Variants in AGPS observed in about 807,000 individuals in gnomAD.
AGPS encodes alkyldihydroxyacetonephosphate synthase, peroxisomal.
In AGPS, 26 loss-of-function variants were observed where a neutral mutation model predicts 90.7. The observed-to-expected ratio is 0.29, with a 90% CI of 0.21 to 0.40. The LOEUF (loss-of-function observed/expected upper bound fraction) is 0.40. Ranked by LOEUF, AGPS falls within the 10% of genes least tolerant of loss-of-function variation. AGPS has a pLI of 1.00. For missense variants in AGPS, 540 were observed against 816.1 expected (o/e 0.66, Z 4.12); for synonymous variants, 294 against 285.3 (o/e 1.03, Z -0.31).
intron 1 of AGPS, among the ~76,000 whole-genome samples, chr2:177,410,046 C>T (rs1685575338): frequency 6.6e-6 from 1 of 152,184 alleles, no homozygotes; most frequent in South Asian, 2.1e-4. Context: ...TGGTTAGCTG[C>T]AGGCAAAAGT....
chr2:177,417,469 A>G (rs75756628), intron 1 of AGPS, among the ~76,000 whole-genome samples: 5,329 of 152,296 alleles, frequency 0.035, 205 homozygotes, highest in African/African-American at 0.097. Context: ...AGGATACTCA[A>G]TCTATAGTAA....
chr2:177,457,690 A>G (rs1348373846), intron 8 of AGPS, among the ~76,000 whole-genome samples: 1 of 152,222 alleles, frequency 6.6e-6, no homozygotes, highest in African/African-American at 2.4e-5. Flanking sequence ...GGCAGTAATT[A>G]ATAGCCTACC....
At chr2:177,480,064 A>G (rs372806702) in intron 10 of AGPS, among the ~76,000 whole-genome samples, 5 of 152,146 alleles carry the variant, frequency 3.3e-5, no homozygotes, top group Admixed American at 2.6e-4. Flanking sequence ...TCTGTAATCC[A>G]GCTACTCAGG....
At chr2:177,503,041 C>G (rs977737778) in intron 14 of AGPS, among the ~76,000 whole-genome samples, 17 of 152,064 alleles carry the variant, frequency 1.1e-4, no homozygotes, top group African/African-American at 2.4e-4. Flanking sequence ...ATGAAACTCT[C>G]TACTGCCTTA....
intron 19 of AGPS, among the ~76,000 whole-genome samples, chr2:177,530,391 A>G (rs1405674837): frequency 6.6e-6 from 1 of 152,220 alleles, no homozygotes; most frequent in African/African-American, 2.4e-5. Flanking sequence ...TTCAACATAA[A>G]TTTTAAATAA....
chr2:177,507,036 C>T (rs865852840), intron 15 of AGPS, among the ~76,000 whole-genome samples: 4 of 151,076 alleles, frequency 2.6e-5, no homozygotes, highest in African/African-American at 7.3e-5. Flanking sequence ...GGGATTCCGC[C>T]CCCCCTACCC....
chr2:177,527,225 C>T (rs190805123), intron 19 of AGPS, among the ~76,000 whole-genome samples: 20 of 152,064 alleles, frequency 1.3e-4, no homozygotes, highest in African/African-American at 3.4e-4. Flanking sequence ...CTCAGGAGTT[C>T]GAGACCAGTC....
At chr2:177,394,822 C>T (rs60733259) in intron 1 of AGPS, among the ~76,000 whole-genome samples, 17,054 of 152,160 alleles carry the variant, frequency 0.11, 1,227 homozygotes, top group East Asian at 0.34. Context: ...TAGTGCAATG[C>T]CTGTTACATA....
Position 177,392,975 on chromosome 2 carries a change from A to G in AGPS, c.186A>G (p.Arg62=), listed in dbSNP as rs990214554. 26 of 1,549,840 alleles carry G rather than the reference A, an allele frequency of 1.7e-5. No homozygotes were observed. The East Asian group carries it at 6.1e-4, about 36-fold the overall frequency. ...ALSTNECKAR[R]AASAATAAPT... ...GTACCAATGAGTGCAAAGCGCGGAG[A>G]GCCGCGTCGGCGGCCACGGCAGCGC... Residue 62 remains arginine (R), a synonymous_variant, in exon 1 of 20, where the codon AGA becomes AGG. Transcript: ENST00000264167.
intron 11 of AGPS, among the ~76,000 whole-genome samples, chr2:177,484,006 G>A (rs1688022361): frequency 2.0e-5 from 1 of 49,756 alleles, no homozygotes; most frequent in African/African-American, 6.7e-5. Flanking sequence ...CAGGAAGCTA[G>A]GGTGTTTTTT....
Position 177,538,075 on chromosome 2 carries a change from G to T in AGPS, c.1857G>T (p.Val619=). 1 of 1,612,924 alleles carries T rather than the reference G, an allele frequency of 6.2e-7. No homozygotes were observed. The change falls in exon 20 of 20, where the codon GTG becomes GTT. Residue 619 remains valine, a splice_region_variant and synonymous_variant. Transcript: ENST00000264167. The stretch of plus-strand genomic sequence containing the variant: ...GCATTTTTGATTTTGTTTTTCCAGT[G>T]GGCAAGTTACGGAAGCAATGGCTAA... ...NGGSLSHHHG[V]GKLRKQWLKE... is the part of the protein sequence containing the mutation.
At position 177,465,588 on chromosome 2, in the gene AGPS, C is replaced by T. The variant is rs1045099956; in HGVS notation, c.997-2828C>T. Among the ~76,000 whole-genome samples the T allele has an allele frequency of 6.4e-4, 98 of 152,340 alleles. No homozygotes were observed. In the Middle Eastern group the frequency reaches 0.01, roughly 16 times the overall value. On this transcript the variant is annotated intron_variant, in intron 9 of 19. Coordinates refer to ENST00000264167, the MANE Select transcript of AGPS (RefSeq NM_003659.4). ...GAGTGAGTGTGGAGTCTGGCCACAG[C>T]GCACAGTCAGGCACGCCAGCTGTGG...
At chr2:177,443,242 T>G (rs1215548998) in intron 7 of AGPS, among the ~76,000 whole-genome samples, 1 of 152,208 alleles carries the variant, frequency 6.6e-6, no homozygotes, top group Non-Finnish European at 1.5e-5. Context: ...CATTAAATTT[T>G]TGATAAAAAG....
At chr2:177,534,699 C>T (rs778369662) in intron 19 of AGPS, among the ~76,000 whole-genome samples, 6 of 151,762 alleles carry the variant, frequency 4.0e-5, no homozygotes, top group African/African-American at 9.7e-5. Flanking sequence ...GTTCTCCTTC[C>T]GCCCAATCTC....
chr2:177,433,771 C>G (rs1264114724), intron 2 of AGPS, among the ~76,000 whole-genome samples: 1 of 152,082 alleles, frequency 6.6e-6, no homozygotes, highest in Non-Finnish European at 1.5e-5. Flanking sequence ...AATTGCCTGT[C>G]CAGTTTTTTT....
chr2:177,519,661 A>C (rs149655837), intron 17 of AGPS, among the ~76,000 whole-genome samples: 2 of 152,162 alleles, frequency 1.3e-5, no homozygotes, highest in East Asian at 1.9e-4. Context: ...CTTTTTTTCT[A>C]CCCAGAATCT....
At chr2:177,439,847 CCCTCCTTAA>C (rs1686544293) in intron 5 of AGPS, among the ~76,000 whole-genome samples, 1 of 152,068 alleles carries the variant, frequency 6.6e-6, no homozygotes. Flanking sequence ...CATCTTGTTC[CCCTCCTTAA>C]GAACCTCCAC....
At chr2:177,475,175 G>T (rs541643412) in intron 10 of AGPS, among the ~76,000 whole-genome samples, 68 of 152,268 alleles carry the variant, frequency 4.5e-4, no homozygotes, top group Non-Finnish European at 8.8e-4. Context: ...AACATGAGAT[G>T]TTAATTCCAA....
At chr2:177,437,075 A>G in intron 5 of AGPS, 21 bp downstream of exon 5, 5 of 1,607,200 alleles carry the variant, frequency 3.1e-6, no homozygotes, top group Non-Finnish European at 3.4e-6. Flanking sequence ...CCCTCCTCGT[A>G]TCATTAATTT....
Sources: allele counts gnomAD v4.1 joint callset (sites outside exome capture counted in the v4.1 genomes callset), GRCh38; gene constraint gnomAD v4.1.1; transcripts MANE v1.5; gene names NCBI Gene and HGNC (gene_info 2026-07-23, HGNC 2026-07-21).